Variants in RBMS1 observed in about 807,000 individuals in gnomAD.
RBMS1 encodes the protein RNA binding motif single stranded interacting protein 1, also known as RNA-binding motif, single-stranded-interacting protein 1.
Under a neutral mutation model 62.3 loss-of-function variants are expected in RBMS1, and 17 were observed. That is an observed-to-expected ratio of 0.27 (90% CI 0.19 to 0.41). The LOEUF (loss-of-function observed/expected upper bound fraction) is 0.41. RBMS1 is among the 10% of genes least tolerant of loss of function. The pLI, the probability that RBMS1 is intolerant of heterozygous loss-of-function variation, is 1.00. For synonymous variants in RBMS1, 172 were observed against 170.0 expected (o/e 1.01, Z -0.09); for missense variants, 334 against 504.5 (o/e 0.66, Z 3.24).
intron 2 of RBMS1, among the ~76,000 whole-genome samples, chr2:160,327,626 C>A (rs979570446): frequency 6.6e-6 from 1 of 152,112 alleles, no homozygotes; most frequent in Non-Finnish European, 1.5e-5. Flanking sequence ...AGGTCATTTA[C>A]ATTATCTTAT....
chr2:160,327,758 T>C (rs941009112), intron 2 of RBMS1, among the ~76,000 whole-genome samples: 1 of 152,050 alleles, frequency 6.6e-6, no homozygotes, highest in Admixed American at 6.6e-5. Context: ...GTGCCGAAAA[T>C]GAAACCCAGA....
chr2:160,423,475 G>A (rs1378039380), intron 1 of RBMS1, among the ~76,000 whole-genome samples: 4 of 152,046 alleles, frequency 2.6e-5, no homozygotes, highest in Admixed American at 6.6e-5. Context: ...GTGGACGTTT[G>A]CACTTCACTG....
At chr2:160,439,183 G>A (rs553001611) in intron 1 of RBMS1, among the ~76,000 whole-genome samples, 231 of 150,444 alleles carry the variant, frequency 1.5e-3, no homozygotes, top group Non-Finnish European at 2.6e-3. Flanking sequence ...GCGGCTGGCC[G>A]GACGGGGGGC....
At chr2:160,336,425 A>G (rs1254800317) in intron 2 of RBMS1, among the ~76,000 whole-genome samples, 4 of 152,140 alleles carry the variant, frequency 2.6e-5, no homozygotes, top group Non-Finnish European at 4.4e-5. Flanking sequence ...GAAAGAGGGA[A>G]CAGGATATTG....
At chr2:160,460,202 T>A (rs1442098923) in intron 1 of RBMS1, among the ~76,000 whole-genome samples, 1 of 152,046 alleles carries the variant, frequency 6.6e-6, no homozygotes, top group African/African-American at 2.4e-5. Context: ...TTGCTTTTTG[T>A]GGGGAATAGG....
intron 2 of RBMS1, among the ~76,000 whole-genome samples, chr2:160,320,897 T>C (rs1286014320): frequency 6.6e-6 from 1 of 152,124 alleles, no homozygotes; most frequent in African/African-American, 2.4e-5. Flanking sequence ...AAAGCACTTT[T>C]AGACTGTATC....
chr2:160,472,622 G>C (rs986142390), intron 1 of RBMS1, among the ~76,000 whole-genome samples: 3 of 152,116 alleles, frequency 2.0e-5, no homozygotes, highest in Non-Finnish European at 4.4e-5. Context: ...TTAATTTCTA[G>C]TGTTATTTTC....
intron 2 of RBMS1, among the ~76,000 whole-genome samples, chr2:160,343,260 T>C (rs1265925987): frequency 6.6e-6 from 1 of 152,222 alleles, no homozygotes; most frequent in Non-Finnish European, 1.5e-5. Flanking sequence ...AGAGTGTGCA[T>C]TACTTGTATG....
intron 2 of RBMS1, among the ~76,000 whole-genome samples, chr2:160,328,407 GT>G (rs34864470): frequency 0.22 from 32,258 of 145,276 alleles, 3,856 homozygotes; most frequent in Admixed American, 0.38. Flanking sequence ...TTTCAGCACA[GT>G]TTTTTTTTTT....
intron 5 of RBMS1, among the ~76,000 whole-genome samples, chr2:160,301,962 C>T (rs1689231428): frequency 6.6e-6 from 1 of 152,150 alleles, no homozygotes; most frequent in South Asian, 2.1e-4. Flanking sequence ...AAAATATATA[C>T]ACATTATTTG....
chr2:160,491,024 T>C (rs752898057), intron 1 of RBMS1, among the ~76,000 whole-genome samples: 2 of 152,150 alleles, frequency 1.3e-5, no homozygotes, highest in East Asian at 3.9e-4. Context: ...GCAACACTTG[T>C]TTTTAAACTA....
intron 2 of RBMS1, among the ~76,000 whole-genome samples, chr2:160,360,707 T>A (rs1693080045): frequency 6.6e-6 from 1 of 152,206 alleles, no homozygotes; most frequent in African/African-American, 2.4e-5. Flanking sequence ...TCATGAAATT[T>A]TTGTTGTCCT....
intron 1 of RBMS1, among the ~76,000 whole-genome samples, chr2:160,434,009 G>GTTTAAAGTCAATATTTTAA (rs1375970431): frequency 6.6e-6 from 1 of 152,042 alleles, no homozygotes; most frequent in Non-Finnish European, 1.5e-5. Flanking sequence ...TGACCCTTTT[G>GTTTAAAGTCAATATTTTAA]TTTAAAGTCA....
intron 1 of RBMS1, among the ~76,000 whole-genome samples, chr2:160,474,056 A>G (rs999232602): frequency 7.9e-5 from 12 of 152,180 alleles, no homozygotes; most frequent in African/African-American, 2.7e-4. Context: ...AAGGTTAAAA[A>G]CTTCTCTGCT....
intron 1 of RBMS1, among the ~76,000 whole-genome samples, chr2:160,374,071 G>A (rs1245898924): frequency 1.3e-5 from 2 of 152,022 alleles, no homozygotes; most frequent in East Asian, 1.9e-4. Flanking sequence ...CCAGGGGGTT[G>A]AGACCAACCT....
chr2:160,277,283 A>C lies in RBMS1; in HGVS notation c.1143+20T>G. On this transcript the variant is annotated intron_variant, in intron 12 of 13. Transcript: ENST00000348849. Reference sequence around the variant, plus strand: ...GAAACTACTTATAGCCAGAATGGTCACTGGATGGTCTCTACCAACCTCAAC... The same window carrying C: ...GAAACTACTTATAGCCAGAATGGTCCCTGGATGGTCTCTACCAACCTCAAC... 2 of 1,568,200 alleles carry C rather than the reference A, an allele frequency of 1.3e-6. No individual in the cohort carries two copies. Among genetic ancestry groups the C allele is most frequent in the South Asian group, 1.1e-5 (1 of 89,620 alleles).
intron 1 of RBMS1, among the ~76,000 whole-genome samples, chr2:160,457,819 G>A (rs1040464836): frequency 6.6e-6 from 1 of 152,218 alleles, no homozygotes; most frequent in Middle Eastern, 3.4e-3. Flanking sequence ...TGACTTTCTC[G>A]GTGATTTCCT....
At chr2:160,389,890 G>T (rs1694771338) in intron 1 of RBMS1, among the ~76,000 whole-genome samples, 1 of 151,470 alleles carries the variant, frequency 6.6e-6, no homozygotes, top group South Asian at 2.1e-4. Flanking sequence ...AAACCTGAAG[G>T]TTGAGAAAAA....
intron 4 of RBMS1, among the ~76,000 whole-genome samples, chr2:160,311,612 A>G (rs1689925625): frequency 6.6e-6 from 1 of 151,878 alleles, no homozygotes; most frequent in South Asian, 2.1e-4. Flanking sequence ...CTTTACTTGA[A>G]GAAGCCAGAT....
Sources: gnomAD v4.1 joint callset for allele counts (sites outside exome capture counted in the v4.1 genomes callset) on GRCh38, gnomAD v4.1.1 for gene constraint, MANE v1.5 for transcripts, NCBI Gene and HGNC (gene_info 2026-07-23, HGNC 2026-07-21) for gene names.